Variants in GRIK1 observed in about 807,000 individuals in gnomAD.
The protein encoded by GRIK1 is glutamate ionotropic receptor kainate type subunit 1, also known as glutamate receptor ionotropic, kainate 1.
GRIK1 carries 69 observed loss-of-function variants against 105.7 expected under a neutral mutation model. The ratio of observed to expected loss-of-function variants is 0.65; its 90% CI spans 0.54 to 0.80. The LOEUF (loss-of-function observed/expected upper bound fraction) is 0.80. GRIK1 is among the 30% of genes least tolerant of loss of function. GRIK1 has a pLI of 0.00. For synonymous variants in GRIK1, 438 were observed against 431.3 expected (o/e 1.02, Z -0.19); for missense variants, 1,109 against 1,167.3 (o/e 0.95, Z 0.73).
At chr21:29,786,448 TC>T (rs1243597351) in intron 1 of GRIK1, among the ~76,000 whole-genome samples, 2 of 151,522 alleles carry the variant, frequency 1.3e-5, no homozygotes, top group Non-Finnish European at 2.9e-5. Context: ...TATGGACCTA[TC>T]TTTTTGAGGG....
intron 1 of GRIK1, among the ~76,000 whole-genome samples, chr21:29,822,140 G>A (rs1215635088): frequency 2.6e-5 from 4 of 152,014 alleles, no homozygotes; most frequent in African/African-American, 9.7e-5. Context: ...TTCTGTAAAT[G>A]GTTGCATAGC....
chr21:29,699,742 G>A (rs1309597426), intron 1 of GRIK1, among the ~76,000 whole-genome samples: 2 of 151,236 alleles, frequency 1.3e-5, no homozygotes, highest in African/African-American at 2.4e-5. Context: ...TCCAGCTCCC[G>A]GGTTCAAGAA....
chr21:29,565,373 C>CT (rs1038295571), intron 14 of GRIK1, among the ~76,000 whole-genome samples: 1 of 152,142 alleles, frequency 6.6e-6, no homozygotes, highest in African/African-American at 2.4e-5. Context: ...TAAGGAATAA[C>CT]TTTTTTTAAT....
chr21:29,708,528 A>G lies in GRIK1; in HGVS notation c.119-14465T>C, dbSNP rs559589460. On this transcript the variant is annotated intron_variant, in intron 1 of 17. Transcript: ENST00000327783. ...CTATTTCCGGTTCTTTCCCTTCGGA[A>G]TACATGCGTGGATTGTACCTAACAT... Among the ~76,000 whole-genome samples, 4 of 152,364 alleles carry G rather than the reference A, an allele frequency of 2.6e-5. No individual in the cohort carries two copies. In the South Asian group the frequency reaches 8.3e-4, roughly 32 times the overall value.
At chr21:29,681,237 G>A (rs1601438932) in intron 3 of GRIK1, among the ~76,000 whole-genome samples, 1 of 152,234 alleles carries the variant, frequency 6.6e-6, no homozygotes, top group Non-Finnish European at 1.5e-5. Context: ...CCCTTAGGAT[G>A]AGTAGAGACT....
intron 1 of GRIK1, among the ~76,000 whole-genome samples, chr21:29,921,382 C>T (rs1198922121): frequency 6.6e-6 from 1 of 152,112 alleles, no homozygotes; most frequent in African/African-American, 2.4e-5. Context: ...CATTGCAAGG[C>T]CCACTAAGAT....
At chr21:29,748,137 T>C (rs2065092360) in intron 1 of GRIK1, 1 of 152,266 alleles carries the variant, frequency 6.6e-6, no homozygotes, top group African/African-American at 2.4e-5. Flanking sequence ...CTCCCTGGCA[T>C]TAATCAGAGT....
At chr21:29,630,430 ACTTAATAAAAAGTACGATT>A (rs1247532136) in intron 7 of GRIK1, 7 of 450,698 alleles carry the variant, frequency 1.6e-5, no homozygotes, top group African/African-American at 1.2e-4. Context: ...ATTGACTTTG[ACTTAATAAAAAGTACGATT>A]ATCCTGCAGG....
chr21:29,694,054 A>G lies in GRIK1; in HGVS notation c.128T>C (p.Phe43Ser). 1 of 1,612,220 alleles carries G rather than the reference A, an allele frequency of 6.2e-7. No individual in the cohort carries two copies. Among genetic ancestry groups the G allele is most frequent in the South Asian group, 1.1e-5 (1 of 91,034 alleles). Reference sequence around the variant, plus strand: ...AACAGGCTCATTTTCCACTGTTTCAAAAATCCCTCCTGCAGAAGCAAAAGA... The same window carrying G: ...AACAGGCTCATTTTCCACTGTTTCAGAAATCCCTCCTGCAGAAGCAAAAGA... Reference protein sequence around the residue: ...APQVLRIGGIFETVENEPVNV... With the variant: ...APQVLRIGGISETVENEPVNV... The change falls in exon 2 of 18, where the codon TTT becomes TCT. Residue 43 changes from phenylalanine to serine, a missense_variant. Around this residue, in one of 5 missense-constraint regions of GRIK1, gnomAD observed 612 missense variants for 586.0 expected, o/e 1.04. Coordinates refer to ENST00000327783, the MANE Select transcript of GRIK1 (RefSeq NM_001330994.2).
At chr21:29,802,603 T>C (rs1026893757) in intron 1 of GRIK1, among the ~76,000 whole-genome samples, 2 of 152,182 alleles carry the variant, frequency 1.3e-5, no homozygotes, top group Non-Finnish European at 2.9e-5. Context: ...CTGCATCCCA[T>C]ACAGCTTCTA....
intron 7 of GRIK1, among the ~76,000 whole-genome samples, chr21:29,629,475 C>T (rs2062212552): frequency 6.6e-6 from 1 of 151,454 alleles, no homozygotes. Flanking sequence ...TTCACACCTA[C>T]TAAGTTCAAT....
chr21:29,564,447 G>A (rs1053678741), intron 14 of GRIK1, among the ~76,000 whole-genome samples: 5 of 152,162 alleles, frequency 3.3e-5, no homozygotes, highest in South Asian at 4.1e-4. Flanking sequence ...GCGCCCGGCC[G>A]CACCACATTT....
intron 14 of GRIK1, among the ~76,000 whole-genome samples, chr21:29,570,096 A>G (rs1320977181): frequency 6.6e-6 from 1 of 152,192 alleles, no homozygotes; most frequent in Non-Finnish European, 1.5e-5. Flanking sequence ...CTTGAGAAAC[A>G]ATTGAAAGGA....
chr21:29,598,801 T>A, intron 8 of GRIK1, 29 bp downstream of exon 8: 1 of 988,966 alleles, frequency 1.0e-6, no homozygotes, highest in South Asian at 1.5e-5. Flanking sequence ...TCATTTGTTA[T>A]TTTATTTATT....
chr21:29,875,212 A>G (rs1277026847), intron 1 of GRIK1, among the ~76,000 whole-genome samples: 2 of 151,972 alleles, frequency 1.3e-5, no homozygotes, highest in Non-Finnish European at 2.9e-5. Context: ...GTGTCTCTGT[A>G]ATTGGCCCAA....
At chr21:29,735,085 G>T (rs796883472) in intron 1 of GRIK1, among the ~76,000 whole-genome samples, 5 of 152,250 alleles carry the variant, frequency 3.3e-5, no homozygotes, top group African/African-American at 1.2e-4. Flanking sequence ...TTCATAGCAT[G>T]GTTCAGAACC....
intron 1 of GRIK1, among the ~76,000 whole-genome samples, chr21:29,931,747 C>G (rs1307173237): frequency 6.6e-6 from 1 of 152,058 alleles, no homozygotes; most frequent in Non-Finnish European, 1.5e-5. Context: ...CCTAAGCCCT[C>G]TCAGCAGACA....
At chr21:29,626,123 C>T (rs562426634) in intron 7 of GRIK1, among the ~76,000 whole-genome samples, 2 of 152,232 alleles carry the variant, frequency 1.3e-5, no homozygotes, top group East Asian at 3.9e-4. Flanking sequence ...TTGTTTATCA[C>T]AGGCTTGGAG....
chr21:29,761,664 A>C (rs1283373467), intron 1 of GRIK1, among the ~76,000 whole-genome samples: 2 of 151,980 alleles, frequency 1.3e-5, no homozygotes, highest in Non-Finnish European at 2.9e-5. Flanking sequence ...TTACAATTAC[A>C]GTTAGAATTT....
Sources: gnomAD v4.1 joint callset for allele counts (sites outside exome capture counted in the v4.1 genomes callset) on GRCh38, gnomAD v4.1.1 for gene constraint, gnomAD v4.1.1 regional missense constraint, MANE v1.5 for transcripts, NCBI Gene and HGNC (gene_info 2026-07-23, HGNC 2026-07-21) for gene names.